Variants in L3MBTL4 observed in about 807,000 individuals in gnomAD.
L3MBTL4 encodes the protein L3MBTL histone methyl-lysine binding protein 4, also known as lethal(3)malignant brain tumor-like protein 4.
Under a neutral mutation model 84.5 loss-of-function variants are expected in L3MBTL4, and 70 were observed. The ratio of observed to expected loss-of-function variants is 0.83; its 90% CI spans 0.68 to 1.01. L3MBTL4 has a LOEUF of 1.01. L3MBTL4 is among the 50% of genes least tolerant of loss of function. The pLI is 0.00. For missense variants in L3MBTL4, 715 were observed against 754.8 expected, an observed-to-expected ratio of 0.95 and a Z score of 0.62; for synonymous variants, 274 against 259.8, an observed-to-expected ratio of 1.05 and a Z score of -0.52.
intron 13 of L3MBTL4, among the ~76,000 whole-genome samples, chr18:6,163,984 A>C (rs1486385994): frequency 6.6e-6 from 1 of 152,202 alleles, no homozygotes; most frequent in Non-Finnish European, 1.5e-5. Flanking sequence ...TCCCACACTA[A>C]TACTGCACTT....
intron 12 of L3MBTL4, among the ~76,000 whole-genome samples, chr18:6,187,405 C>A (rs956098922): frequency 1.3e-5 from 2 of 152,104 alleles, no homozygotes; most frequent in African/African-American, 4.8e-5. Context: ...AATCTTGGCT[C>A]TATTTCAACA....
chr18:6,385,925 A>G (rs2054797986), intron 1 of L3MBTL4, among the ~76,000 whole-genome samples: 1 of 152,228 alleles, frequency 6.6e-6, no homozygotes, highest in Non-Finnish European at 1.5e-5. Context: ...GCCATAGATA[A>G]AGGTATAAAT....
chr18:6,105,536 C>T (rs993543938), intron 14 of L3MBTL4, among the ~76,000 whole-genome samples: 1 of 151,642 alleles, frequency 6.6e-6, no homozygotes, highest in African/African-American at 2.4e-5. Context: ...CAGTGGCTCA[C>T]GCCTGTAATC....
intron 14 of L3MBTL4, among the ~76,000 whole-genome samples, chr18:6,126,616 A>C (rs2059702450): frequency 6.9e-6 from 1 of 145,330 alleles, no homozygotes; most frequent in Non-Finnish European, 1.5e-5. Context: ...TTCATGTGCA[A>C]TTTTTTCTTA....
At chr18:6,366,665 A>C (rs2053948542) in intron 1 of L3MBTL4, among the ~76,000 whole-genome samples, 1 of 152,182 alleles carries the variant, frequency 6.6e-6, no homozygotes, top group Non-Finnish European at 1.5e-5. Flanking sequence ...GTCTAATTTC[A>C]CACATTCCCA....
At chr18:6,123,215 C>T (rs1327096265) in intron 14 of L3MBTL4, among the ~76,000 whole-genome samples, 1 of 152,156 alleles carries the variant, frequency 6.6e-6, no homozygotes, top group African/African-American at 2.4e-5. Flanking sequence ...GTGAAATGCA[C>T]ATAGAATAAG....
intron 10 of L3MBTL4, among the ~76,000 whole-genome samples, chr18:6,235,494 G>A (rs1889337852): frequency 6.6e-6 from 1 of 152,178 alleles, no homozygotes; most frequent in Non-Finnish European, 1.5e-5. Context: ...ATGTTATTCA[G>A]CCATAAAAAG....
At chr18:6,207,931 C>T (rs1410320420) in intron 12 of L3MBTL4, among the ~76,000 whole-genome samples, 1 of 151,700 alleles carries the variant, frequency 6.6e-6, no homozygotes, top group Non-Finnish European at 1.5e-5. Context: ...ACTGCAAACC[C>T]CCATCTCCGC....
chr18:6,079,889 T>G (rs1205981703), intron 16 of L3MBTL4: 1 of 152,228 alleles, frequency 6.6e-6, no homozygotes, highest in Non-Finnish European at 1.5e-5. Context: ...GGGAGAAACA[T>G]GTAGCTGCAC....
chr18:6,199,175 C>G (rs766144275), intron 12 of L3MBTL4, among the ~76,000 whole-genome samples: 3 of 152,168 alleles, frequency 2.0e-5, no homozygotes, highest in Non-Finnish European at 1.5e-5. Context: ...AAATCCAACA[C>G]AGCATCAGCT....
At chr18:6,102,636 A>G (rs2058870213) in intron 14 of L3MBTL4, among the ~76,000 whole-genome samples, 1 of 152,236 alleles carries the variant, frequency 6.6e-6, no homozygotes, top group African/African-American at 2.4e-5. Context: ...GGTTGTGAAA[A>G]TATTCACAAA....
intron 12 of L3MBTL4, among the ~76,000 whole-genome samples, chr18:6,204,506 A>G (rs2045787573): frequency 6.6e-6 from 1 of 152,246 alleles, no homozygotes; most frequent in Non-Finnish European, 1.5e-5. Flanking sequence ...TAGTTTTAAA[A>G]GAAAAAAACA....
chr18:6,282,618 T>G (rs1447370968), intron 4 of L3MBTL4, among the ~76,000 whole-genome samples: 2 of 152,202 alleles, frequency 1.3e-5, no homozygotes, highest in Middle Eastern at 3.4e-3. Flanking sequence ...CTTGGAGGCC[T>G]TAGTAAGAAT....
At chr18:6,025,665 A>T (rs752548389) in intron 16 of L3MBTL4, among the ~76,000 whole-genome samples, 1 of 152,150 alleles carries the variant, frequency 6.6e-6, no homozygotes, top group African/African-American at 2.4e-5. Context: ...TTTTCCACAG[A>T]CAGGGGCTTG....
At chr18:6,401,944 G>A (rs2055530924) in intron 1 of L3MBTL4, among the ~76,000 whole-genome samples, 1 of 152,228 alleles carries the variant, frequency 6.6e-6, no homozygotes, top group Admixed American at 6.5e-5. Context: ...ACAATGAGAA[G>A]TTGCTGTGGA....
At chr18:5,969,740 T>C (rs1417048259) in intron 16 of L3MBTL4, among the ~76,000 whole-genome samples, 178 bp from the exon 17 acceptor site, 1 of 152,160 alleles carries the variant, frequency 6.6e-6, no homozygotes, top group Non-Finnish European at 1.5e-5. Context: ...CAGTCTGTTT[T>C]TGAGCAGTGG....
At chr18:6,360,833 GAAATTTAAATTT>G (rs79617822) in intron 1 of L3MBTL4, among the ~76,000 whole-genome samples, 1,544 of 151,130 alleles carry the variant, frequency 0.01, 39 homozygotes, top group Admixed American at 0.061. Context: ...CTACAAAAAA[GAAATTTAAATTT>G]AAATTTAAAT....
intron 10 of L3MBTL4, among the ~76,000 whole-genome samples, chr18:6,235,623 A>G (rs1369432385): frequency 6.6e-6 from 1 of 152,214 alleles, no homozygotes; most frequent in African/African-American, 2.4e-5. Context: ...ATATATCAAG[A>G]ATAGGCAAAG....
chr18:5,975,536 A>G (rs2052875662), intron 16 of L3MBTL4, among the ~76,000 whole-genome samples: 1 of 152,214 alleles, frequency 6.6e-6, no homozygotes. Flanking sequence ...ATGGCTTTTC[A>G]GCTGGGAACG....
Sources: allele counts gnomAD v4.1 joint callset (sites outside exome capture counted in the v4.1 genomes callset), GRCh38; gene constraint gnomAD v4.1.1; transcripts MANE v1.5; gene names NCBI Gene and HGNC (gene_info 2026-07-23, HGNC 2026-07-21).